The following PLPP1 variants were observed in gnomAD, a reference collection of about 807,000 sequenced individuals.
PLPP1 encodes phospholipid phosphatase 1.
PLPP1 carries 24 observed loss-of-function variants against 31.2 expected under a neutral mutation model. The observed-to-expected ratio is 0.77, with a 90% CI of 0.56 to 1.08. The LOEUF is 1.08. Ranked by LOEUF, PLPP1 falls within the 50% of genes least tolerant of loss-of-function variation. The pLI, the probability that PLPP1 is intolerant of heterozygous loss-of-function variation, is 0.00. For synonymous variants in PLPP1, 146 were observed against 126.3 expected (o/e 1.16, Z -1.05); for missense variants, 319 against 342.7 (o/e 0.93, Z 0.55).
At chr5:55,502,520 T>C (rs1753170503) in intron 1 of PLPP1, among the ~76,000 whole-genome samples, 1 of 152,124 alleles carries the variant, frequency 6.6e-6, no homozygotes, top group South Asian at 2.1e-4. Context: ...TACAATGTGT[T>C]GTCCAGTGCA....
At chr5:55,482,174 A>ATATATAG (rs1010734672) in intron 1 of PLPP1, among the ~76,000 whole-genome samples, 7 of 148,916 alleles carry the variant, frequency 4.7e-5, no homozygotes, top group African/African-American at 1.5e-4. Flanking sequence ...TCATACATAT[A>ATATATAG]TATATAGTAT....
chr5:55,510,695 C>G (rs571377701), intron 1 of PLPP1, among the ~76,000 whole-genome samples: 1 of 152,278 alleles, frequency 6.6e-6, no homozygotes, highest in South Asian at 2.1e-4. Flanking sequence ...ACTGGTGGAA[C>G]CAATCCTTTG....
At chr5:55,464,931 CAT>C (rs1182278481) in intron 3 of PLPP1, among the ~76,000 whole-genome samples, 1 of 152,038 alleles carries the variant, frequency 6.6e-6, no homozygotes, top group Non-Finnish European at 1.5e-5. Context: ...AATTTTATGT[CAT>C]GTGAATTATA....
Position 55,467,893 on chromosome 5 carries a change from T to C in PLPP1, c.467A>G (p.Asn156Ser). The change falls in exon 3 of 6, where the codon AAT (asparagine) becomes AGT (serine). Residue 156 changes from asparagine (N) to serine (S), a missense_variant. Transcript: ENST00000307259. ...GYIEYYICRG[N>S]AERVKEGRLS... is the part of the protein sequence containing the mutation. ...CCTGCCTTCCTTAACTCTTTCTGCA[T>C]TCCCTCGACATATGTAGTATTCAAT... is the stretch of plus-strand genomic sequence containing the variant. 6.2e-7 allele frequency: 1 copy of C among 1,612,696 alleles called. No individual in the cohort carries two copies. The highest frequency in any genetic ancestry group is 8.5e-7 in the Non-Finnish European group (1 of 1,179,264).
intron 1 of PLPP1, among the ~76,000 whole-genome samples, chr5:55,516,496 G>A (rs1753557605): frequency 6.6e-6 from 1 of 152,114 alleles, no homozygotes; most frequent in Non-Finnish European, 1.5e-5. Context: ...CTAAGACAGT[G>A]CTTGGCACAC....
Position 55,534,765 on chromosome 5 carries a change from A to T in PLPP1, c.-136T>A, listed in dbSNP as rs1334140167. On this transcript the variant is annotated 5_prime_UTR_variant, in exon 1 of 6. Transcript: ENST00000307259. ...CCCCTCCCAGCCGGAGGAGGAGAGC[A>T]GCCGAGGGCGGGCTGAGACCGGGCG... 6.4e-6 allele frequency: 6 copies of T among 931,808 alleles called. No homozygotes were observed. The Admixed American group carries it at 1.4e-4, about 21-fold the overall frequency. The allele number at this position is 931,808 out of a possible 1,614,324, so 57.7% of individuals were successfully genotyped here.
chr5:55,507,866 T>C (rs958672531), intron 1 of PLPP1, among the ~76,000 whole-genome samples: 1 of 151,958 alleles, frequency 6.6e-6, no homozygotes, highest in Non-Finnish European at 1.5e-5. Flanking sequence ...AACTTTTTTT[T>C]TTTTTTTTGA....
intron 1 of PLPP1, among the ~76,000 whole-genome samples, chr5:55,523,225 G>T (rs1252468033): frequency 2.0e-5 from 3 of 151,960 alleles, no homozygotes; most frequent in Non-Finnish European, 2.9e-5. Context: ...TATTCTTTGT[G>T]TTACGAACAA....
At chr5:55,519,006 T>C (rs892778561) in intron 1 of PLPP1, among the ~76,000 whole-genome samples, 1 of 152,100 alleles carries the variant, frequency 6.6e-6, no homozygotes, top group Non-Finnish European at 1.5e-5. Flanking sequence ...TTCAAACTAA[T>C]TGCCACTCAC....
intron 1 of PLPP1, among the ~76,000 whole-genome samples, chr5:55,499,686 A>AC (rs1202447007): frequency 2.6e-5 from 1 of 39,070 alleles, no homozygotes; most frequent in Admixed American, 3.7e-4. Context: ...CTACTCAAAA[A>AC]AAAAATAAAT....
At chr5:55,530,792 A>C in intron 1 of PLPP1, 1 of 1,493,508 alleles carries the variant, frequency 6.7e-7, no homozygotes, top group Non-Finnish European at 9.3e-7. Flanking sequence ...ACGTGCTGAC[A>C]GGGCGCGGTC....
intron 1 of PLPP1, among the ~76,000 whole-genome samples, chr5:55,512,874 CT>C (rs1310867762): frequency 6.6e-6 from 1 of 152,126 alleles, no homozygotes; most frequent in African/African-American, 2.4e-5. Flanking sequence ...TTTTAGTGGT[CT>C]TTCTTCAAAC....
chr5:55,493,933 C>T (rs937000896), intron 1 of PLPP1, among the ~76,000 whole-genome samples: 5 of 150,710 alleles, frequency 3.3e-5, no homozygotes, highest in South Asian at 2.1e-4. Flanking sequence ...ATAGTCCAGA[C>T]ATTTGGGAAG....
At chr5:55,457,413 C>T (rs961019361) in intron 3 of PLPP1, among the ~76,000 whole-genome samples, 6 of 152,030 alleles carry the variant, frequency 3.9e-5, no homozygotes, top group Admixed American at 3.3e-4. Context: ...CAGGAAGAGA[C>T]AGTGAATGAG....
chr5:55,476,119 C>T (rs1752544571), intron 1 of PLPP1, among the ~76,000 whole-genome samples: 1 of 151,860 alleles, frequency 6.6e-6, no homozygotes, highest in African/African-American at 2.4e-5. Context: ...GCTGGGACCA[C>T]AGGCACGCAC....
chr5:55,500,120 C>G (rs1364879529), intron 1 of PLPP1, among the ~76,000 whole-genome samples: 4 of 148,294 alleles, frequency 2.7e-5, no homozygotes, highest in African/African-American at 1.0e-4. Context: ...CGCTCTGTCA[C>G]CCAGGCTGGA....
chr5:55,491,090 T>G, intron 1 of PLPP1: 1 of 1,613,884 alleles, frequency 6.2e-7, no homozygotes, highest in Non-Finnish European at 8.5e-7. Context: ...TTGGCCCAAT[T>G]TTAGAACAGC....
intron 1 of PLPP1, among the ~76,000 whole-genome samples, chr5:55,500,994 G>C (rs1297801707): frequency 1.3e-5 from 2 of 152,144 alleles, no homozygotes; most frequent in African/African-American, 4.8e-5. Context: ...CTAGAGCAAA[G>C]GAAAAGTCTA....
chr5:55,460,061 A>G (rs375995686), intron 3 of PLPP1, among the ~76,000 whole-genome samples: 13 of 152,342 alleles, frequency 8.5e-5, no homozygotes, highest in African/African-American at 2.9e-4. Context: ...TACGTTATTA[A>G]GGCTTCCAGT....
Sources: gnomAD v4.1 joint callset for allele counts (sites outside exome capture counted in the v4.1 genomes callset) on GRCh38, gnomAD v4.1.1 for gene constraint, MANE v1.5 for transcripts, NCBI Gene and HGNC (gene_info 2026-07-23, HGNC 2026-07-21) for gene names.